Variants in PDS5B observed in about 807,000 individuals in gnomAD.
PDS5B encodes the protein sister chromatid cohesion protein PDS5 homolog B.
In PDS5B, 51 loss-of-function variants were observed where a neutral mutation model predicts 184.1. That is an observed-to-expected ratio of 0.28 (90% confidence interval 0.22 to 0.35). PDS5B has a LOEUF of 0.35. Among genes scored for constraint, PDS5B ranks in the 10% least tolerant of loss-of-function variants. The probability of loss-of-function intolerance (pLI) is 1.00; values close to 1 mark genes in which losing one functional copy is unlikely to be tolerated. For missense variants in PDS5B, 1,180 were observed against 1,723.3 expected (o/e 0.68, Z 5.58); for synonymous variants, 566 against 569.2 (o/e 0.99, Z 0.08).
chr13:32,770,815 C>T, intron 33 of PDS5B, 54 bp downstream of exon 33: 1 of 1,334,362 alleles, frequency 7.5e-7, no homozygotes, highest in East Asian at 2.5e-5. Context: ...TGCAAAAGTT[C>T]CTAAATTTGT....
In PDS5B at chr13:32,741,920, G is replaced by C. The variant is rs373058136; in HGVS notation, c.2476-671G>C. Among the ~76,000 whole-genome samples the C allele has an allele frequency of 2.0e-4, 30 of 152,092 alleles. No homozygotes were observed. In the East Asian group the frequency reaches 2.3e-3, roughly 12 times the overall value. ...GCATTGGTCTCAAGCTGCAGTTTTTGTATACTTGAAAGCAGCACTGGACTA... is the reference window on the plus strand; with the variant it reads ...GCATTGGTCTCAAGCTGCAGTTTTTCTATACTTGAAAGCAGCACTGGACTA... On this transcript the variant is annotated intron_variant, in intron 22 of 34. Coordinates refer to ENST00000315596, the MANE Select transcript of PDS5B (RefSeq NM_015032.4).
chr13:32,714,032 G>T (rs1952290026), intron 19 of PDS5B, among the ~76,000 whole-genome samples: 2 of 152,148 alleles, frequency 1.3e-5, no homozygotes, highest in Non-Finnish European at 2.9e-5. Flanking sequence ...AAATTGGTAG[G>T]ATCCGTGATG....
intron 7 of PDS5B, among the ~76,000 whole-genome samples, chr13:32,671,839 G>A (rs2054604549): frequency 6.6e-6 from 1 of 152,198 alleles, no homozygotes; most frequent in South Asian, 2.1e-4. Context: ...AGCTTGTGTG[G>A]TATAAAGAAT....
chr13:32,715,750 A>G (rs936499140), intron 19 of PDS5B, among the ~76,000 whole-genome samples: 15 of 151,396 alleles, frequency 9.9e-5, no homozygotes, highest in Non-Finnish European at 1.9e-4. Context: ...GCTCACTGCA[A>G]CCTCCCTGCC....
At chr13:32,656,273 CTTTT>C (rs71071057) in intron 3 of PDS5B, among the ~76,000 whole-genome samples, 1 of 96,786 alleles carries the variant, frequency 1.0e-5, no homozygotes, top group Admixed American at 1.3e-4. Flanking sequence ...TCTCCAGCTT[CTTTT>C]TTTTTTTTTT....
chr13:32,734,167 A>G (rs1953233611), intron 20 of PDS5B, among the ~76,000 whole-genome samples: 2 of 151,812 alleles, frequency 1.3e-5, no homozygotes, highest in Admixed American at 6.6e-5. Flanking sequence ...AGCTGGGACT[A>G]CAGGCGTATG....
chr13:32,773,112 G>T (rs945130851), intron 33 of PDS5B, 77 bp from the exon 34 acceptor site: 1 of 1,239,548 alleles, frequency 8.1e-7, no homozygotes, highest in Non-Finnish European at 1.1e-6. Context: ...GATGAAATAC[G>T]TGAAACATTT....
chr13:32,598,770 CTTTT>C (rs756301581), intron 1 of PDS5B, among the ~76,000 whole-genome samples: 5 of 126,356 alleles, frequency 4.0e-5, no homozygotes, highest in African/African-American at 8.8e-5. Context: ...TTTTTTCTCT[CTTTT>C]TTTTTTTTTT....
intron 1 of PDS5B, among the ~76,000 whole-genome samples, chr13:32,623,208 C>T (rs1233589922): frequency 1.3e-5 from 2 of 152,136 alleles, no homozygotes; most frequent in Non-Finnish European, 1.5e-5. Flanking sequence ...TGAAAAATAT[C>T]TCAAACACTA....
At chr13:32,695,961 T>C (rs759927526) in intron 14 of PDS5B, among the ~76,000 whole-genome samples, 7 of 152,080 alleles carry the variant, frequency 4.6e-5, no homozygotes, top group Non-Finnish European at 8.8e-5. Flanking sequence ...TTTGAAAAAG[T>C]AACAGAATGG....
Position 32,777,342 on chromosome 13 carries a change from T to C in PDS5B, c.*2290T>C, listed in dbSNP as rs115973202. The C allele has an allele frequency of 2.2e-3, 285 of 127,622 alleles. No individual in the cohort carries two copies. Among genetic ancestry groups the C allele is most frequent in the African/African-American group, 8.1e-3 (278 of 34,386 alleles). The allele number at this position is 127,622 out of a possible 1,614,324, so 7.9% of individuals were successfully genotyped here. A position where few individuals can be genotyped will look rare whatever the true frequency, so the allele number is the denominator to read the frequency against. ...TGGATTACGATGTAAATTTTTCTTT[T>C]CTTTCTTTCTTTTTTTTTTTTTTTG... On this transcript the variant is annotated 3_prime_UTR_variant, in exon 35 of 35. Coordinates refer to ENST00000315596, the MANE Select transcript of PDS5B (RefSeq NM_015032.4).
intron 17 of PDS5B, among the ~76,000 whole-genome samples, chr13:32,706,080 C>A (rs12184710): frequency 6.6e-6 from 1 of 151,364 alleles, no homozygotes; most frequent in Non-Finnish European, 1.5e-5. Flanking sequence ...GAGTTTGAGA[C>A]CAGCCTGACC....
At chr13:32,689,337 TA>T (rs1951482245) in intron 13 of PDS5B, 1 of 152,148 alleles carries the variant, frequency 6.6e-6, no homozygotes, top group Admixed American at 6.6e-5. Flanking sequence ...TCCATGGAAA[TA>T]ATTATATTTT....
chr13:32,602,738 C>T (rs936843021), intron 1 of PDS5B, among the ~76,000 whole-genome samples: 1 of 152,180 alleles, frequency 6.6e-6, no homozygotes, highest in Non-Finnish European at 1.5e-5. Flanking sequence ...TCCTATTTCT[C>T]CACATCCTCT....
At chr13:32,587,168 CG>C (rs1486545237) in intron 1 of PDS5B, among the ~76,000 whole-genome samples, 1 of 149,128 alleles carries the variant, frequency 6.7e-6, no homozygotes, top group African/African-American at 2.4e-5. Context: ...CGGGCGCTCT[CG>C]CCCCCGCCGC....
chr13:32,655,374 A>ATATATATATATATAT, intron 3 of PDS5B, among the ~76,000 whole-genome samples: 5 of 72,476 alleles, frequency 6.9e-5, no homozygotes, highest in African/African-American at 2.5e-4. Flanking sequence ...ATATATATAT[A>ATATATATATATATAT]TTTTTTTTTT....
At chr13:32,737,201 C>T (rs1469734432) in intron 21 of PDS5B, among the ~76,000 whole-genome samples, 1 of 146,254 alleles carries the variant, frequency 6.8e-6, no homozygotes, top group East Asian at 2.0e-4. Flanking sequence ...ATATTCTTCC[C>T]AGAGTTTTAC....
chr13:32,619,262 A>G (rs1355401984), intron 1 of PDS5B, among the ~76,000 whole-genome samples: 1 of 152,242 alleles, frequency 6.6e-6, no homozygotes, highest in Non-Finnish European at 1.5e-5. Context: ...ACAGGGGTAC[A>G]TTCTGAGAGA....
intron 18 of PDS5B, 26 bp from the exon 19 acceptor site, chr13:32,709,920 A>G (rs774578165): frequency 4.6e-6 from 6 of 1,294,426 alleles, no homozygotes; most frequent in Middle Eastern, 2.1e-4. Context: ...AAGTTTTACA[A>G]ATCATTTTTA....
Sources: gnomAD v4.1 joint callset for allele counts (sites outside exome capture counted in the v4.1 genomes callset) on GRCh38, gnomAD v4.1.1 for gene constraint, MANE v1.5 for transcripts, NCBI Gene and HGNC (gene_info 2026-07-23, HGNC 2026-07-21) for gene names.